TEAD1: variants seen among roughly 807,000 people sequenced by gnomAD.
TEAD1 encodes the protein transcriptional enhancer factor TEF-1.
TEAD1 carries 9 observed loss-of-function variants against 54.9 expected under a neutral mutation model. The ratio of observed to expected loss-of-function variants is 0.16; its 90% CI spans 0.10 to 0.29. The LOEUF is 0.29. Ranked by LOEUF, TEAD1 falls within the 10% of genes least tolerant of loss-of-function variation. The pLI, the probability that TEAD1 is intolerant of heterozygous loss-of-function variation, is 1.00. For synonymous variants in TEAD1, 200 were observed against 187.8 expected (o/e 1.07, Z -0.53); for missense variants, 387 against 535.9 (o/e 0.72, Z 2.74).
chr11:12,808,759 A>G lies in TEAD1; in HGVS notation c.202+44325A>G, dbSNP rs574465683. Among the ~76,000 whole-genome samples the G allele has an allele frequency of 2.6e-5, 4 of 152,318 alleles. No individual in the cohort carries two copies. The South Asian group carries it at 8.3e-4, about 32-fold the overall frequency. Reference sequence around the variant, plus strand: ...TTTCTCTGCCTTTACTCATCACCATAAACATACTTTAAAGTTGTCAGTTAT... The same window carrying G: ...TTTCTCTGCCTTTACTCATCACCATGAACATACTTTAAAGTTGTCAGTTAT... On this transcript the variant is annotated intron_variant, in intron 3 of 12. Coordinates refer to ENST00000527636, the MANE Select transcript of TEAD1 (RefSeq NM_021961.6).
chr11:12,725,662 C>G (rs1166389046), intron 2 of TEAD1, among the ~76,000 whole-genome samples: 1 of 152,020 alleles, frequency 6.6e-6, no homozygotes, highest in African/African-American at 2.4e-5. Context: ...TTCTGTAGTT[C>G]AGTAGAATAA....
At chr11:12,756,849 A>G (rs1171517963) in intron 2 of TEAD1, among the ~76,000 whole-genome samples, 2 of 152,230 alleles carry the variant, frequency 1.3e-5, no homozygotes, top group Non-Finnish European at 2.9e-5. Context: ...AAGATCCTCT[A>G]GGCAGAAACT....
At chr11:12,897,630 C>T (rs1175156727) in intron 9 of TEAD1, among the ~76,000 whole-genome samples, 1 of 152,204 alleles carries the variant, frequency 6.6e-6, no homozygotes, top group East Asian at 1.9e-4. Context: ...AGACAGTGCC[C>T]AGTTTCCTTT....
At chr11:12,713,813 C>T (rs923978482) in intron 2 of TEAD1, among the ~76,000 whole-genome samples, 6 of 152,162 alleles carry the variant, frequency 3.9e-5, no homozygotes, top group South Asian at 2.1e-4. Context: ...CAGCTCTCTC[C>T]TCTCATGTTC....
intron 5 of TEAD1, among the ~76,000 whole-genome samples, chr11:12,874,285 G>A (rs1350568576): frequency 1.3e-5 from 2 of 152,186 alleles, no homozygotes; most frequent in Non-Finnish European, 2.9e-5. Context: ...AAGCTGAGAA[G>A]CAGAAGGAAG....
At chr11:12,677,394 C>T (rs1253992077) in intron 2 of TEAD1, among the ~76,000 whole-genome samples, 1 of 152,044 alleles carries the variant, frequency 6.6e-6, no homozygotes, top group African/African-American at 2.4e-5. Flanking sequence ...GCTTCCTCCT[C>T]CCTTTCCCAT....
chr11:12,758,479 C>T (rs1173672419), intron 2 of TEAD1, among the ~76,000 whole-genome samples: 1 of 146,442 alleles, frequency 6.8e-6, no homozygotes, highest in African/African-American at 2.6e-5. Context: ...GGCGCAATCT[C>T]AGCTTACTGC....
chr11:12,720,233 TAG>T (rs1430427385), intron 2 of TEAD1, among the ~76,000 whole-genome samples: 3 of 152,072 alleles, frequency 2.0e-5, no homozygotes, highest in Non-Finnish European at 4.4e-5. Flanking sequence ...GTTAGATCTC[TAG>T]AGAGAGGAAT....
At chr11:12,937,079 G>A in intron 12 of TEAD1, 30 bp from the exon 13 acceptor site, 1 of 1,439,014 alleles carries the variant, frequency 6.9e-7, no homozygotes, top group Non-Finnish European at 9.8e-7. Context: ...CATCCTTTTG[G>A]TATTATATAC....
intron 3 of TEAD1, among the ~76,000 whole-genome samples, chr11:12,783,055 GC>G (rs1945591760): frequency 6.6e-6 from 1 of 151,822 alleles, no homozygotes; most frequent in Non-Finnish European, 1.5e-5. Context: ...TGTGATAAAA[GC>G]CAGAGTTTTT....
At chr11:12,906,513 G>A (rs1456711635) in intron 10 of TEAD1, among the ~76,000 whole-genome samples, 2 of 148,156 alleles carry the variant, frequency 1.3e-5, no homozygotes, top group African/African-American at 5.0e-5. Context: ...CTGCACTCTA[G>A]CCTGGGCGAC....
chr11:12,768,824 G>C (rs1945258988), intron 3 of TEAD1, among the ~76,000 whole-genome samples: 1 of 152,204 alleles, frequency 6.6e-6, no homozygotes, highest in African/African-American at 2.4e-5. Flanking sequence ...TCAGGACTGT[G>C]TGCCAAAGCT....
chr11:12,750,249 C>T (rs1459318314), intron 2 of TEAD1, among the ~76,000 whole-genome samples: 1 of 152,138 alleles, frequency 6.6e-6, no homozygotes, highest in Non-Finnish European at 1.5e-5. Flanking sequence ...CTGTTGTCAG[C>T]TCACAGCCTC....
chr11:12,735,580 T>G (rs984495677), intron 2 of TEAD1, among the ~76,000 whole-genome samples: 12 of 149,446 alleles, frequency 8.0e-5, no homozygotes, highest in Admixed American at 3.3e-4. Flanking sequence ...TTTTTTTTTT[T>G]GGGTGCTTAC....
intron 2 of TEAD1, among the ~76,000 whole-genome samples, chr11:12,740,249 T>C (rs943798348): frequency 5.3e-5 from 8 of 152,226 alleles, no homozygotes; most frequent in Non-Finnish European, 2.9e-5. Context: ...ATAACAGTAG[T>C]ACTTTTCTCA....
At chr11:12,680,356 C>T (rs1027183314) in intron 2 of TEAD1, among the ~76,000 whole-genome samples, 3 of 152,236 alleles carry the variant, frequency 2.0e-5, no homozygotes, top group Non-Finnish European at 4.4e-5. Context: ...CAGCCTGACT[C>T]CTTCTGCTGA....
At chr11:12,719,797 A>T (rs1295246243) in intron 2 of TEAD1, among the ~76,000 whole-genome samples, 1 of 151,962 alleles carries the variant, frequency 6.6e-6, no homozygotes, top group East Asian at 1.9e-4. Context: ...TAGCTAAAAA[A>T]ACTCTGACTT....
At chr11:12,915,706 T>C (rs1228497716) in intron 10 of TEAD1, among the ~76,000 whole-genome samples, 1 of 152,042 alleles carries the variant, frequency 6.6e-6, no homozygotes, top group African/African-American at 2.4e-5. Context: ...AAAATTAGTG[T>C]GGTGGCGCAC....
chr11:12,842,050 C>T (rs1390501961), intron 3 of TEAD1, among the ~76,000 whole-genome samples: 1 of 152,002 alleles, frequency 6.6e-6, no homozygotes, highest in African/African-American at 2.4e-5. Context: ...CAAATCATTT[C>T]CACAGAGCAG....
Sources: gnomAD v4.1 joint callset for allele counts (sites outside exome capture counted in the v4.1 genomes callset) on GRCh38, gnomAD v4.1.1 for gene constraint, MANE v1.5 for transcripts, NCBI Gene and HGNC (gene_info 2026-07-23, HGNC 2026-07-21) for gene names.